The following STRADA variants were observed in gnomAD, a reference collection of about 807,000 sequenced individuals.
STRADA encodes STE20-related kinase adapter protein alpha.
Under a neutral mutation model 55.0 loss-of-function variants are expected in STRADA, and 26 were observed. The observed-to-expected ratio is 0.47, with a 90% CI of 0.35 to 0.66. STRADA has a LOEUF of 0.66. Ranked by LOEUF, STRADA falls within the 30% of genes least tolerant of loss-of-function variation. The pLI is 0.01. For missense variants in STRADA, 443 were observed against 549.7 expected (o/e 0.81, Z 1.94); for synonymous variants, 197 against 210.9 (o/e 0.93, Z 0.57).
chr17:63,727,573 T>A (rs930026775), intron 2 of STRADA: 1 of 152,240 alleles, frequency 6.6e-6, no homozygotes, highest in Non-Finnish European at 1.5e-5. Flanking sequence ...AGACTGTGAA[T>A]TGGAACTATA....
chr17:63,740,276 C>A (rs1222343578), intron 1 of STRADA, among the ~76,000 whole-genome samples: 1 of 150,716 alleles, frequency 6.6e-6, no homozygotes, highest in Non-Finnish European at 1.5e-5. Context: ...TTTGGGAGGT[C>A]GAGGCTGGTG....
chr17:63,733,540 T>G (rs1036171354), intron 1 of STRADA, among the ~76,000 whole-genome samples: 2 of 152,192 alleles, frequency 1.3e-5, no homozygotes, highest in African/African-American at 4.8e-5. Flanking sequence ...AGAAATAGTA[T>G]TTACAGACTG....
At chr17:63,728,558 A>C in intron 1 of STRADA, 145 bp from the exon 2 acceptor site, 1 of 525,986 alleles carries the variant, frequency 1.9e-6, no homozygotes, top group South Asian at 2.6e-5. Context: ...GAGAAACTTT[A>C]AGTGATGATA....
intron 1 of STRADA, among the ~76,000 whole-genome samples, chr17:63,731,659 A>C (rs1466621045): frequency 6.6e-6 from 1 of 152,158 alleles, no homozygotes; most frequent in Non-Finnish European, 1.5e-5. Flanking sequence ...ATTTGAAAAA[A>C]CATGATTAGA....
intron 10 of STRADA, chr17:63,705,901 T>TG (rs1215082945): frequency 2.6e-5 from 4 of 152,194 alleles, no homozygotes; most frequent in African/African-American, 7.2e-5. Context: ...GCCCCTGCTC[T>TG]GGGGGGCTGC....
intron 6 of STRADA, chr17:63,712,374 CT>C (rs2143885708): frequency 6.6e-6 from 1 of 152,314 alleles, no homozygotes; most frequent in South Asian, 2.1e-4. Context: ...TGCCTGCCCC[CT>C]CTCTCAGTTT....
chr17:63,737,560 A>G (rs192489819), intron 1 of STRADA: 2 of 152,172 alleles, frequency 1.3e-5, no homozygotes, highest in Admixed American at 1.3e-4. Context: ...GGGAAGAGAT[A>G]GAGGAATGAC....
intron 4 of STRADA, chr17:63,719,261 T>C (rs1041141594): frequency 6.6e-6 from 1 of 152,214 alleles, no homozygotes; most frequent in Non-Finnish European, 1.5e-5. Context: ...ATCTGATTCC[T>C]GCATGTGAGA....
At chr17:63,714,347 T>C (rs1223987087) in intron 4 of STRADA, 1 of 436,386 alleles carries the variant, frequency 2.3e-6, no homozygotes, top group African/African-American at 2.0e-5. Context: ...CCTGTTCCCA[T>C]CAAATGTTAA....
chr17:63,732,032 T>G (rs562047216), intron 1 of STRADA, among the ~76,000 whole-genome samples: 2 of 148,332 alleles, frequency 1.3e-5, no homozygotes, highest in Non-Finnish European at 3.0e-5. Flanking sequence ...ACCCGGCTAA[T>G]TTTTTTTTTG....
intron 1 of STRADA, among the ~76,000 whole-genome samples, chr17:63,729,998 TGGC>T (rs1432789786): frequency 1.3e-5 from 2 of 151,668 alleles, no homozygotes; most frequent in Non-Finnish European, 2.9e-5. Flanking sequence ...CCACCATGCC[TGGC>T]TAATTTTTGT....
At chr17:63,710,370 G>A in intron 8 of STRADA, 121 bp downstream of exon 8, 1 of 1,490,166 alleles carries the variant, frequency 6.7e-7, no homozygotes, top group Non-Finnish European at 9.1e-7. Flanking sequence ...TCTTCAGCAA[G>A]AATCCAGATC....
At chr17:63,707,120 C>T in intron 9 of STRADA, 127 bp downstream of exon 9, 2 of 1,218,334 alleles carry the variant, frequency 1.6e-6, no homozygotes, top group South Asian at 1.4e-5. Context: ...ACGCTGAGGG[C>T]TCCCTCCCTC....
rs373586747 is a variant in STRADA at position 63,710,886 on chromosome 17, G to T, written c.349-50C>A. 8 of 1,533,398 alleles carry T rather than the reference G, an allele frequency of 5.2e-6. No individual in the cohort carries two copies. The African/African-American group carries it at 1.1e-4, about 21-fold the overall frequency. 95.0% of individuals were successfully genotyped at this position (1,533,398 alleles called of 1,614,324 possible). On this transcript the variant is annotated intron_variant, in intron 6 of 12. Coordinates refer to ENST00000336174, the MANE Select transcript of STRADA (RefSeq NM_001003787.4). Reference sequence around the variant, plus strand: ...TCAGAACCAAATGGCACTGAAGGATGCCGCTCAACACAAAGATGGCAGCAT... The same window carrying T: ...TCAGAACCAAATGGCACTGAAGGATTCCGCTCAACACAAAGATGGCAGCAT...
intron 1 of STRADA, among the ~76,000 whole-genome samples, chr17:63,732,241 G>A (rs990067263): frequency 6.6e-6 from 1 of 152,102 alleles, no homozygotes; most frequent in African/African-American, 2.4e-5. Context: ...CTGAGCTAAG[G>A]CAGTCCACCC....
chr17:63,728,019 T>A (rs905643944), intron 2 of STRADA: 40 of 239,070 alleles, frequency 1.7e-4, no homozygotes, highest in African/African-American at 8.8e-4. Flanking sequence ...CGGGGGGTCA[T>A]AAGCAGTTAA....
At chr17:63,703,848 C>T (rs556628752) in intron 12 of STRADA, 97 bp from the exon 13 acceptor site, 33 of 1,610,136 alleles carry the variant, frequency 2.0e-5, no homozygotes, top group Admixed American at 3.4e-5. Context: ...GACGGGCTGT[C>T]GGAGCCAACT....
chr17:63,709,060 C>T (rs963716771), intron 8 of STRADA, among the ~76,000 whole-genome samples: 1 of 152,202 alleles, frequency 6.6e-6, no homozygotes, highest in Non-Finnish European at 1.5e-5. Context: ...CTCATCCATC[C>T]TTCTGGGGAC....
intron 1 of STRADA, among the ~76,000 whole-genome samples, chr17:63,740,924 TCAGGGACAAGAAA>T (rs1322996145): frequency 6.6e-6 from 1 of 152,166 alleles, no homozygotes; most frequent in Non-Finnish European, 1.5e-5. Context: ...TCCTTAACTC[TCAGGGACAAGAAA>T]CAGTCCTGGG....
Sources: gnomAD v4.1 joint callset for allele counts (sites outside exome capture counted in the v4.1 genomes callset) on GRCh38, gnomAD v4.1.1 for gene constraint, MANE v1.5 for transcripts, NCBI Gene and HGNC (gene_info 2026-07-23, HGNC 2026-07-21) for gene names.